AGBL4: variants seen among roughly 807,000 people sequenced by gnomAD.
AGBL4 encodes cytosolic carboxypeptidase 6.
In AGBL4, 58 loss-of-function variants were observed where a neutral mutation model predicts 66.4. The ratio of observed to expected loss-of-function variants is 0.87; its 90% CI spans 0.71 to 1.09. The LOEUF (loss-of-function observed/expected upper bound fraction) is 1.09. Ranked by LOEUF, AGBL4 falls within the 50% of genes least tolerant of loss-of-function variation. AGBL4 has a pLI of 0.00. For missense variants in AGBL4, 579 were observed against 631.0 expected (o/e 0.92, Z 0.88); for synonymous variants, 234 against 222.9 (o/e 1.05, Z -0.44).
At chr1:49,763,962 G>T (rs899940630) in intron 2 of AGBL4, among the ~76,000 whole-genome samples, 2 of 152,128 alleles carry the variant, frequency 1.3e-5, no homozygotes, top group African/African-American at 4.8e-5. Flanking sequence ...AGGCTTGCTG[G>T]CTTGGGCTCC....
chr1:48,743,525 C>T (rs1650262887), intron 6 of AGBL4, among the ~76,000 whole-genome samples: 1 of 152,158 alleles, frequency 6.6e-6, no homozygotes, highest in Non-Finnish European at 1.5e-5. Context: ...GTAAATAAGG[C>T]CAAATGACTT....
At chr1:49,936,628 C>G (rs1195103076) in intron 1 of AGBL4, among the ~76,000 whole-genome samples, 3 of 152,200 alleles carry the variant, frequency 2.0e-5, no homozygotes, top group Non-Finnish European at 2.9e-5. Flanking sequence ...ATCAGACTAA[C>G]AGCGGATCTC....
intron 3 of AGBL4, among the ~76,000 whole-genome samples, chr1:49,420,660 C>T (rs1030551470): frequency 6.6e-6 from 1 of 150,686 alleles, no homozygotes; most frequent in African/African-American, 2.4e-5. Flanking sequence ...GAGATCGCAC[C>T]ACTGCACTCC....
chr1:48,534,507 A>T (rs975113469), intron 13 of AGBL4, among the ~76,000 whole-genome samples: 15 of 152,188 alleles, frequency 9.9e-5, no homozygotes, highest in African/African-American at 3.6e-4. Flanking sequence ...ATAATTGTAT[A>T]AAATAACTAC....
intron 3 of AGBL4, among the ~76,000 whole-genome samples, chr1:49,381,820 G>T (rs1423433785): frequency 7.0e-6 from 1 of 142,776 alleles, no homozygotes; most frequent in Non-Finnish European, 1.5e-5. Context: ...CACTGGAAGG[G>T]GAACATCACA....
intron 11 of AGBL4, among the ~76,000 whole-genome samples, chr1:48,574,734 A>G (rs1444494251): frequency 2.0e-5 from 3 of 152,026 alleles, no homozygotes; most frequent in Non-Finnish European, 4.4e-5. Flanking sequence ...AAGCACGGCC[A>G]CAACCCCAGC....
chr1:49,598,532 T>C (rs1274251219), intron 3 of AGBL4, among the ~76,000 whole-genome samples: 5 of 152,138 alleles, frequency 3.3e-5, no homozygotes, highest in African/African-American at 1.2e-4. Context: ...GAACAGCGGA[T>C]TTTCGTGAAC....
intron 3 of AGBL4, among the ~76,000 whole-genome samples, chr1:49,546,448 A>G (rs1652497917): frequency 6.6e-6 from 1 of 151,940 alleles, no homozygotes; most frequent in Admixed American, 6.6e-5. Flanking sequence ...TGATTTTGCA[A>G]CTGTGAATTT....
intron 3 of AGBL4, among the ~76,000 whole-genome samples, chr1:49,589,282 C>T (rs1644708757): frequency 6.6e-6 from 1 of 152,014 alleles, no homozygotes; most frequent in Non-Finnish European, 1.5e-5. Flanking sequence ...AATTCCCAAT[C>T]CTAATTATAT....
intron 4 of AGBL4, among the ~76,000 whole-genome samples, chr1:49,176,411 T>C (rs1210229851): frequency 6.6e-6 from 1 of 152,164 alleles, no homozygotes; most frequent in Admixed American, 6.5e-5. Context: ...TATTTAGTCA[T>C]GGGTACCAAC....
chr1:49,623,576 C>G lies in AGBL4; in HGVS notation c.282+73737G>C, dbSNP rs188296832. Among the ~76,000 whole-genome samples the G allele has an allele frequency of 7.2e-4, 110 of 152,244 alleles. 1 individual carries two copies. Among genetic ancestry groups the G allele is most frequent in the African/African-American group, 2.6e-3 (106 of 41,534 alleles). On this transcript the variant is annotated intron_variant, in intron 3 of 13. Transcript: ENST00000371839. ...CTCAAATTTACAAGGTCCTTTTACC[C>G]GGATGGTTCTGCTACTAAATTTGGT...
rs371810796 is a variant in AGBL4 at position 49,312,042 on chromosome 1, A to G, written c.283-66178T>C. Among the ~76,000 whole-genome samples the G allele has an allele frequency of 3.4e-4, 52 of 152,228 alleles. 1 individual carries two copies. The South Asian group carries it at 9.5e-3, about 28-fold the overall frequency. On this transcript the variant is annotated intron_variant, in intron 3 of 13. Coordinates refer to ENST00000371839, the MANE Select transcript of AGBL4 (RefSeq NM_032785.4). ...AAAACTTTTGAACATCAACAATACT[A>G]TGGCAAAAGGAAAGAGAAATAATAA...
chr1:49,246,804 G>A (rs148878558), intron 3 of AGBL4, among the ~76,000 whole-genome samples: 1 of 152,048 alleles, frequency 6.6e-6, no homozygotes, highest in Admixed American at 6.6e-5. Flanking sequence ...CTGGAGAGAA[G>A]AAAAGATTTC....
chr1:49,640,005 C>A (rs1474736326), intron 3 of AGBL4, among the ~76,000 whole-genome samples: 1 of 152,066 alleles, frequency 6.6e-6, no homozygotes, highest in East Asian at 1.9e-4. Context: ...ATGAGGGAAA[C>A]TGGCAGAAGA....
chr1:50,013,258 A>C (rs1439347786), intron 1 of AGBL4, among the ~76,000 whole-genome samples: 1 of 152,200 alleles, frequency 6.6e-6, no homozygotes, highest in East Asian at 1.9e-4. Context: ...TATAGGAATT[A>C]ATAAAAAGAG....
chr1:48,821,313 A>T (rs186491112), intron 6 of AGBL4, among the ~76,000 whole-genome samples: 1 of 152,238 alleles, frequency 6.6e-6, no homozygotes, highest in Non-Finnish European at 1.5e-5. Flanking sequence ...TCACAGCACA[A>T]TTCACAATTG....
At chr1:49,636,373 G>A (rs577953336) in intron 3 of AGBL4, among the ~76,000 whole-genome samples, 2 of 152,200 alleles carry the variant, frequency 1.3e-5, no homozygotes, top group Admixed American at 6.5e-5. Context: ...TTCTTATACA[G>A]GCACTAATCT....
intron 6 of AGBL4, among the ~76,000 whole-genome samples, chr1:48,791,710 T>G (rs1450059827): frequency 1.3e-5 from 2 of 152,204 alleles, no homozygotes; most frequent in Non-Finnish European, 2.9e-5. Context: ...TTCTCATTTG[T>G]TGGATATGGA....
At chr1:49,104,497 T>C (rs188248843) in intron 4 of AGBL4, among the ~76,000 whole-genome samples, 10 of 152,344 alleles carry the variant, frequency 6.6e-5, no homozygotes, top group African/African-American at 2.2e-4. Flanking sequence ...TCATTTAATA[T>C]TGACACTAAC....
Sources: gnomAD v4.1 joint callset for allele counts (sites outside exome capture counted in the v4.1 genomes callset) on GRCh38, gnomAD v4.1.1 for gene constraint, MANE v1.5 for transcripts, NCBI Gene and HGNC (gene_info 2026-07-23, HGNC 2026-07-21) for gene names.